The following DNAL1 variants were observed in gnomAD, a reference collection of about 807,000 sequenced individuals.
DNAL1 encodes dynein axonemal light chain 1.
In DNAL1, 17 loss-of-function variants were observed where a neutral mutation model predicts 29.4. The observed-to-expected ratio is 0.58, with a 90% CI of 0.40 to 0.87. DNAL1 has a LOEUF of 0.87. DNAL1 is among the 40% of genes least tolerant of loss of function. The probability of loss-of-function intolerance (pLI) is 0.00; values close to 1 mark genes in which losing one functional copy is unlikely to be tolerated. For synonymous variants in DNAL1, 78 were observed against 76.3 expected (o/e 1.02, Z -0.12); for missense variants, 188 against 214.1 (o/e 0.88, Z 0.76).
intron 3 of DNAL1, among the ~76,000 whole-genome samples, chr14:73,660,655 C>T (rs1304842441): frequency 6.6e-6 from 1 of 152,168 alleles, no homozygotes; most frequent in Non-Finnish European, 1.5e-5. Flanking sequence ...GGAGAGCAAA[C>T]ATATTTAGCT....
intron 1 of DNAL1, among the ~76,000 whole-genome samples, chr14:73,652,651 A>G (rs892549660): frequency 2.0e-5 from 3 of 151,980 alleles, no homozygotes; most frequent in Non-Finnish European, 4.4e-5. Context: ...ACCAACTTTT[A>G]GTTTTGTTAA....
chr14:73,677,452 A>G (rs1488586691), intron 5 of DNAL1, among the ~76,000 whole-genome samples: 1 of 150,904 alleles, frequency 6.6e-6, no homozygotes, highest in East Asian at 1.9e-4. Flanking sequence ...ACTACAGGCC[A>G]CTGTTCGCGG....
rs1250571694 is a variant in DNAL1, at chr14:73,687,326, TC to T, written c.334del (p.His112ThrfsTer2). ...SYNFIEKLKGIHIMKKLKILY... is the reference protein window; with the variant it reads ...SYNFIEKLKGXHIMKKLKILY... ...AATTTTATTGAGAAGTTGAAAGGGA[TC>T]CACATAATGAAGAAATTGAAGATTC... On this transcript the variant is annotated frameshift_variant, in exon 6 of 8. Coordinates refer to ENST00000553645, the MANE Select transcript of DNAL1 (RefSeq NM_031427.4). LOFTEE classifies it high-confidence loss of function. The T allele has an allele frequency of 6.2e-7, 1 of 1,612,848 alleles. No individual in the cohort carries two copies. The highest frequency in any genetic ancestry group is 1.7e-5 in the Admixed American group (1 of 59,906).
intron 7 of DNAL1, among the ~76,000 whole-genome samples, chr14:73,695,583 G>A (rs990796691): frequency 7.2e-5 from 11 of 152,130 alleles, no homozygotes; most frequent in African/African-American, 4.8e-5. Context: ...AGGCTGGAGT[G>A]CAATGGTATA....
At chr14:73,693,708 C>G (rs1428287201) in intron 7 of DNAL1, among the ~76,000 whole-genome samples, 1 of 151,906 alleles carries the variant, frequency 6.6e-6, no homozygotes, top group Non-Finnish European at 1.5e-5. Flanking sequence ...AAGACCTTGT[C>G]TTTAAAAAGA....
chr14:73,685,108 T>A (rs1318046984), intron 5 of DNAL1, among the ~76,000 whole-genome samples: 4 of 151,716 alleles, frequency 2.6e-5, no homozygotes, highest in Non-Finnish European at 5.9e-5. Context: ...TTCCAATGTT[T>A]TTTATGGTGG....
chr14:73,685,460 ATT>A (rs200537222), intron 5 of DNAL1, among the ~76,000 whole-genome samples: 9 of 139,572 alleles, frequency 6.4e-5, no homozygotes, highest in Non-Finnish European at 7.8e-5. Flanking sequence ...TTTCTGCTTA[ATT>A]TTTTTTTTTT....
In DNAL1 at chr14:73,702,243, C is replaced by T. The variant is rs62004952; in HGVS notation, c.*6301C>T. 0.25 allele frequency: 37,984 copies of T among 152,060 alleles called. 6,386 individuals are homozygous for T. Among genetic ancestry groups the T allele is most frequent in the Non-Finnish European group, 0.37 (25,385 of 67,984 alleles). 9.4% of individuals were successfully genotyped at this position (152,060 alleles called of 1,614,324 possible). ...GCAACCTCCACCTCCCGTGTTCAAG[C>T]GAGTCTCCTGCCTCAGCCTCCCGAG... On this transcript the variant is annotated 3_prime_UTR_variant, in exon 8 of 8. Coordinates refer to ENST00000553645, the MANE Select transcript of DNAL1 (RefSeq NM_031427.4).
At chr14:73,647,033 A>G (rs1487692314) in intron 1 of DNAL1, among the ~76,000 whole-genome samples, 1 of 152,054 alleles carries the variant, frequency 6.6e-6, no homozygotes, top group Non-Finnish European at 1.5e-5. Flanking sequence ...GATATTTCAC[A>G]TTAAAACCAA....
intron 5 of DNAL1, among the ~76,000 whole-genome samples, chr14:73,681,851 G>A (rs1245083974): frequency 4.0e-5 from 6 of 151,338 alleles, no homozygotes; most frequent in South Asian, 2.1e-4. Flanking sequence ...GGTGGCTCAC[G>A]CCTGTAATCC....
At position 73,692,083 on chromosome 14, in the gene DNAL1, C is replaced by T. The variant is rs149079757; in HGVS notation, c.532+2568C>T. Among the ~76,000 whole-genome samples, 1,192 of 151,484 alleles carry T rather than the reference C, an allele frequency of 7.9e-3. 24 individuals are homozygous for T. The highest frequency in any genetic ancestry group is 0.027 in the African/African-American group (1,130 of 41,234). ...CACCATCTCAACTCACTGCAAGCTC[C>T]GCCTCCCAAGTTCAAGTGGTTCTCC... On this transcript the variant is annotated intron_variant, in intron 7 of 7. Transcript: ENST00000553645.
At chr14:73,649,322 G>A (rs1477320536) in intron 1 of DNAL1, among the ~76,000 whole-genome samples, 2 of 149,296 alleles carry the variant, frequency 1.3e-5, no homozygotes, top group Non-Finnish European at 1.5e-5. Flanking sequence ...TCGCTCTGTC[G>A]CCAGGGCTGG....
intron 4 of DNAL1, among the ~76,000 whole-genome samples, chr14:73,664,018 C>G (rs1891417594): frequency 6.6e-6 from 1 of 152,134 alleles, no homozygotes; most frequent in Non-Finnish European, 1.5e-5. Flanking sequence ...CCCTCTCCTC[C>G]CTGTACAGGT....
intron 4 of DNAL1, among the ~76,000 whole-genome samples, chr14:73,669,507 C>T (rs999294284): frequency 1.3e-5 from 2 of 151,878 alleles, no homozygotes; most frequent in Non-Finnish European, 2.9e-5. Context: ...GATCTTCTGA[C>T]CTCGTGATCC....
Position 73,677,566 on chromosome 14 carries a change from A to T in DNAL1, c.264+5969A>T, listed in dbSNP as rs571607324. Among the ~76,000 whole-genome samples the T allele has an allele frequency of 3.9e-3, 575 of 146,156 alleles. 2 individuals carry two copies. The highest frequency in any genetic ancestry group is 0.023 in the South Asian group (108 of 4,670). On this transcript the variant is annotated intron_variant, in intron 5 of 7. Transcript: ENST00000553645. ...AATATATTTATTTATTTATTTATTTATTTTTTTTGAGACGGAGTCTGGCTC... is the reference window on the plus strand; with the variant it reads ...AATATATTTATTTATTTATTTATTTTTTTTTTTTGAGACGGAGTCTGGCTC...
rs148847585 is a variant in DNAL1 at position 73,676,694 on chromosome 14, T to TTC, written c.264+5112_264+5113dup. Among the ~76,000 whole-genome samples the TTC allele has an allele frequency of 1.3e-4, 19 of 151,422 alleles. No homozygotes were observed. In the South Asian group the frequency reaches 1.5e-3, roughly 12 times the overall value. The stretch of plus-strand genomic sequence containing the variant: ...TTTTCTTGGGTGAGGAGTGTGGGTT[T>TTC]TCTCTCTCTCTCTCTCAATTTCTTC... On this transcript the variant is annotated intron_variant, in intron 5 of 7. Transcript: ENST00000553645.
At chr14:73,689,311 C>T (rs1892107129) in intron 6 of DNAL1, 64 bp from the exon 7 acceptor site, 3 of 1,536,054 alleles carry the variant, frequency 2.0e-6, no homozygotes, top group African/African-American at 1.4e-5. Flanking sequence ...GGATTACAGG[C>T]GTGGACCACC....
intron 5 of DNAL1, among the ~76,000 whole-genome samples, chr14:73,673,421 A>G (rs567511011): frequency 2.0e-4 from 30 of 152,354 alleles, no homozygotes; most frequent in African/African-American, 7.0e-4. Context: ...CAAATAAATT[A>G]TAAATATAGG....
chr14:73,698,262 TTGAA>T lies in DNAL1; in HGVS notation c.*2324_*2327del, dbSNP rs1479307965. 6.6e-6 allele frequency: 1 copy of T among 152,226 alleles called. No homozygotes were observed. The highest frequency in any genetic ancestry group is 1.5e-5 in the Non-Finnish European group (1 of 68,028). The allele number at this position is 152,226 out of a possible 1,614,324, so 9.4% of individuals were successfully genotyped here. On this transcript the variant is annotated 3_prime_UTR_variant, in exon 8 of 8. Coordinates refer to ENST00000553645, the MANE Select transcript of DNAL1 (RefSeq NM_031427.4). ...ATATTCAGTATCATTCAACAAATCT[TTGAA>T]TGACTTCTATGCATCCCTGTTCATG... is the stretch of plus-strand genomic sequence containing the variant.
Sources: allele counts gnomAD v4.1 joint callset (sites outside exome capture counted in the v4.1 genomes callset), GRCh38; gene constraint gnomAD v4.1.1; transcripts MANE v1.5; gene names NCBI Gene and HGNC (gene_info 2026-07-23, HGNC 2026-07-21).